Variants in SEMA3B observed in about 807,000 individuals in gnomAD.
SEMA3B encodes semaphorin-3B.
A neutral mutation model predicts 77.8 loss-of-function variants in SEMA3B; 71 were observed. That is an observed-to-expected ratio of 0.91 (90% CI 0.75 to 1.11). SEMA3B has a LOEUF of 1.11. Ranked by LOEUF, SEMA3B falls within the 50% of genes most tolerant of loss-of-function variation. The pLI is 0.00. For synonymous variants in SEMA3B, 470 were observed against 452.9 expected (o/e 1.04, Z -0.48); for missense variants, 968 against 1,056.8 (o/e 0.92, Z 1.17).
In SEMA3B at chr3:50,269,387, G is replaced by A. The variant is rs1553704997; in HGVS notation, c.109+38G>A. The A allele has an allele frequency of 7.8e-7, 1 of 1,280,646 alleles. No individual in the cohort carries two copies. The highest frequency in any genetic ancestry group is 1.1e-6 in the Non-Finnish European group (1 of 946,340). The allele number at this position is 1,280,646 out of a possible 1,614,324, so 79.3% of individuals were successfully genotyped here. On this transcript the variant is annotated intron_variant, in intron 1 of 16. Coordinates refer to ENST00000616701, the MANE Select transcript of SEMA3B (RefSeq NM_001290060.2). The surrounding 1 kb of genome is among the most constrained non-coding windows in gnomAD (Gnocchi z 4.0). ...GGCAGGCGGGAGGGCCCAGCTTGAG[G>A]TGGGCAGGAAAGGGTCCCCGTATGG... is the stretch of plus-strand genomic sequence containing the variant.
rs1553706168 is a variant in SEMA3B at position 50,274,679 on chromosome 3, CCTGGGCTGT to C, written c.1357+98_1357+106del. 1 of 1,437,732 alleles carries C rather than the reference CCTGGGCTGT, an allele frequency of 7.0e-7. No homozygotes were observed. Among genetic ancestry groups the C allele is most frequent in the East Asian group, 2.3e-5 (1 of 43,204 alleles). 89.1% of individuals were successfully genotyped at this position (1,437,732 alleles called of 1,614,324 possible). A position where few individuals can be genotyped will look rare whatever the true frequency, so the allele number is the denominator to read the frequency against. ...GTTCAGTCCCATCTCCACATCCTTT[CCTGGGCTGT>C]GTCTCCACCCTGTGGATGCTGCCCA... On this transcript the variant is annotated intron_variant, in intron 11 of 16. Transcript: ENST00000616701. The surrounding 1 kb of genome is among the most constrained non-coding windows in gnomAD (Gnocchi z 4.7).
Position 50,274,658 on chromosome 3 carries a change from A to G in SEMA3B, c.1357+76A>G. ...CTGCTGATGGAAGCTCTCCCTGTTC[A>G]GTCCCATCTCCACATCCTTTCCTGG... is the stretch of plus-strand genomic sequence containing the variant. On this transcript the variant is annotated intron_variant, in intron 11 of 16. Coordinates refer to ENST00000616701, the MANE Select transcript of SEMA3B (RefSeq NM_001290060.2). The surrounding 1 kb of genome is among the most constrained non-coding windows in gnomAD (Gnocchi z 4.7). 2 of 1,481,266 alleles carry G rather than the reference A, an allele frequency of 1.4e-6. No individual in the cohort carries two copies. Among genetic ancestry groups the G allele is most frequent in the African/African-American group, 1.4e-5 (1 of 71,536 alleles). The allele number at this position is 1,481,266 out of a possible 1,614,324, so 91.8% of individuals were successfully genotyped here. A position where few individuals can be genotyped will look rare whatever the true frequency, so the allele number is the denominator to read the frequency against.
Position 50,276,032 on chromosome 3 carries a change from C to T in SEMA3B, c.1845+188C>T. 3.3e-6 allele frequency: 3 copies of T among 902,900 alleles called. No individual in the cohort carries two copies. Among genetic ancestry groups the T allele is most frequent in the Non-Finnish European group, 4.9e-6 (3 of 617,720 alleles). The allele number at this position is 902,900 out of a possible 1,614,324, so 55.9% of individuals were successfully genotyped here. ...TCCAACGGGGCTCCCGACCCGCCTCCCCTGAATCAAGGAGAAGACCCGCCC... is the reference window on the plus strand; with the variant it reads ...TCCAACGGGGCTCCCGACCCGCCTCTCCTGAATCAAGGAGAAGACCCGCCC... On this transcript the variant is annotated intron_variant, in intron 16 of 16. Coordinates refer to ENST00000616701, the MANE Select transcript of SEMA3B (RefSeq NM_001290060.2). This position sits in a 1 kb window ranked among gnomAD's most constrained non-coding sequence, Gnocchi z 5.8.
chr3:50,273,639 T>C lies in SEMA3B; in HGVS notation c.915T>C (p.Asp305=). The C allele has an allele frequency of 6.2e-7, 1 of 1,611,122 alleles. No homozygotes were observed. Among genetic ancestry groups the C allele is most frequent in the Non-Finnish European group, 8.5e-7 (1 of 1,179,504 alleles). ...GCGTCGAGGGCGACACCCACTTCGA[T>C]CAGCTCCGTGAGTGCGGGAGTGGGT... ...VPGVEGDTHF[D]QLQDVFLLSS... Residue 305 remains aspartate (D), a synonymous_variant, in exon 8 of 17, where the codon GAT becomes GAC. Transcript: ENST00000616701. This position sits in a 1 kb window ranked among gnomAD's most constrained non-coding sequence, Gnocchi z 6.5.
At position 50,273,598 on chromosome 3, in the gene SEMA3B, G is replaced by C; in HGVS notation, c.874G>C (p.Val292Leu). ...KWTTFLKARL[V>L]CSVPGVEGDT... is the part of the protein sequence containing the mutation. ...GACGACGTTCCTGAAGGCGCGGCTG[G>C]TGTGCTCGGTGCCCGGCGTCGAGGG... Residue 292 changes from valine to leucine, a missense_variant, in exon 8 of 17, where the codon GTG becomes CTG. Physicochemically the swap from Val to Leu is conservative, Grantham distance 32. Transcript: ENST00000616701. This position sits in a 1 kb window ranked among gnomAD's most constrained non-coding sequence, Gnocchi z 6.5. 6.2e-7 allele frequency: 1 copy of C among 1,612,982 alleles called. No individual in the cohort carries two copies. The highest frequency in any genetic ancestry group is 8.5e-7 in the Non-Finnish European group (1 of 1,179,728).
Position 50,275,368 on chromosome 3 carries a change from G to C in SEMA3B, c.1558G>C (p.Gly520Arg). ...QIALHRCAAH[G>R]RVCTECCLAR... ...CGCGTTGCACCGCTGCGCTGCCCACGGCCGCGTCTGCACCGAATGCTGTCT... is the reference window on the plus strand; with the variant it reads ...CGCGTTGCACCGCTGCGCTGCCCACCGCCGCGTCTGCACCGAATGCTGTCT... Residue 520 changes from glycine to arginine, a missense_variant, in exon 14 of 17, where the codon GGC becomes CGC. Gly to Arg is a moderately radical substitution (Grantham distance 125). Coordinates refer to ENST00000616701, the MANE Select transcript of SEMA3B (RefSeq NM_001290060.2). This position sits in a 1 kb window ranked among gnomAD's most constrained non-coding sequence, Gnocchi z 7.5. The C allele has an allele frequency of 6.3e-7, 1 of 1,585,310 alleles. No homozygotes were observed. Among genetic ancestry groups the C allele is most frequent in the South Asian group, 1.1e-5 (1 of 87,964 alleles).
chr3:50,265,798 C>T (rs1051560629), upstream of SEMA3B, among the ~76,000 whole-genome samples: 3 of 152,160 alleles, frequency 2.0e-5, no homozygotes, highest in African/African-American at 4.8e-5. Context: ...CATGGGGGCC[C>T]CTACCCATGG....
upstream of SEMA3B, chr3:50,269,128 C>T (rs1054897722): frequency 3.3e-5 from 25 of 761,406 alleles, no homozygotes; most frequent in Non-Finnish European, 4.2e-5. The surrounding 1 kb of genome is among the most constrained non-coding windows in gnomAD (Gnocchi z 4.0). Context: ...CCTAGCCTCC[C>T]GCCCTCGCCC....
Position 50,275,609 on chromosome 3 carries a change from T to A in SEMA3B, c.1699T>A (p.Ser567Thr). The change falls in exon 15 of 17, where the codon TCC becomes ACC. Residue 567 changes from serine (S) to threonine (T), a missense_variant. Physicochemically the swap from Ser to Thr is moderately conservative, Grantham distance 58. Transcript: ENST00000616701. The surrounding 1 kb of genome is among the most constrained non-coding windows in gnomAD (Gnocchi z 7.5). ...VRNGDPSTLC[S>T]GDSSRPALLE... ...GAATGGCGACCCCAGCACGTTGTGCTCCGGAGGTGAGTGCCCCAGCTGCCC... is the reference window on the plus strand; with the variant it reads ...GAATGGCGACCCCAGCACGTTGTGCACCGGAGGTGAGTGCCCCAGCTGCCC... 6.2e-7 allele frequency: 1 copy of A among 1,613,644 alleles called. No homozygotes were observed. The highest frequency in any genetic ancestry group is 1.1e-5 in the South Asian group (1 of 91,088).
upstream of SEMA3B, chr3:50,269,069 C>T: frequency 1.7e-6 from 1 of 599,324 alleles, no homozygotes; most frequent in Non-Finnish European, 2.9e-6. This position sits in a 1 kb window ranked among gnomAD's most constrained non-coding sequence, Gnocchi z 4.0. Flanking sequence ...ATGCGACCCC[C>T]CAGCCTCTTT....
At chr3:50,265,754 C>T (rs587596971), upstream of SEMA3B, among the ~76,000 whole-genome samples, 3 of 152,350 alleles carry the variant, frequency 2.0e-5, no homozygotes, top group East Asian at 3.9e-4. Context: ...GTGTGACCCA[C>T]AGGCAGTGAC....
chr3:50,276,905 C>G lies in SEMA3B; in HGVS notation c.*199C>G. 1 of 594,516 alleles carries G rather than the reference C, an allele frequency of 1.7e-6. No individual in the cohort carries two copies. Among genetic ancestry groups the G allele is most frequent in the Non-Finnish European group, 2.6e-6 (1 of 377,634 alleles). 36.8% of individuals were successfully genotyped at this position (594,516 alleles called of 1,614,324 possible). On this transcript the variant is annotated 3_prime_UTR_variant, in exon 17 of 17. Coordinates refer to ENST00000616701, the MANE Select transcript of SEMA3B (RefSeq NM_001290060.2). The surrounding 1 kb of genome is among the most constrained non-coding windows in gnomAD (Gnocchi z 5.8). ...GGATAACCCTTGAATGTAGCAGCCCCGGGAGGGCGGCACAGGTCGGGCGCA... is the reference window on the plus strand; with the variant it reads ...GGATAACCCTTGAATGTAGCAGCCCGGGGAGGGCGGCACAGGTCGGGCGCA...
rs782098186 is a variant in SEMA3B at position 50,273,668 on chromosome 3, G to T, written c.922+22G>T. 6.2e-6 allele frequency: 10 copies of T among 1,605,692 alleles called. No individual in the cohort carries two copies. The East Asian group carries it at 2.2e-4, about 36-fold the overall frequency. On this transcript the variant is annotated intron_variant, in intron 8 of 16. Coordinates refer to ENST00000616701, the MANE Select transcript of SEMA3B (RefSeq NM_001290060.2). This position sits in a 1 kb window ranked among gnomAD's most constrained non-coding sequence, Gnocchi z 6.5. ...CTCCGTGAGTGCGGGAGTGGGTATG[G>T]GGTTGGGGAGGGGGGCAGCGGCGCA... is the stretch of plus-strand genomic sequence containing the variant.
At chr3:50,262,891 T>G (rs1553704124), upstream of SEMA3B, 1 of 152,306 alleles carries the variant, frequency 6.6e-6, no homozygotes, top group Non-Finnish European at 1.5e-5. Flanking sequence ...GCACACCATC[T>G]CCCGCCTCCC....
chr3:50,270,197 G>A lies in SEMA3B; in HGVS notation c.180G>A (p.Val60=), dbSNP rs587637215. 6.2e-7 allele frequency: 1 copy of A among 1,604,612 alleles called. No individual in the cohort carries two copies. The highest frequency in any genetic ancestry group is 2.2e-5 in the East Asian group (1 of 44,446). ...CCTGCTGCTACCAGGCCTTGCTGGTGGATGAGGAGCGTGGACGCCTGTTTG... is the reference window on the plus strand; with the variant it reads ...CCTGCTGCTACCAGGCCTTGCTGGTAGATGAGGAGCGTGGACGCCTGTTTG... ...ERTCCYQALL[V]DEERGRLFVG... The change falls in exon 2 of 17, where the codon GTG becomes GTA. Residue 60 remains valine, a synonymous_variant. Coordinates refer to ENST00000616701, the MANE Select transcript of SEMA3B (RefSeq NM_001290060.2). The surrounding 1 kb of genome is among the most constrained non-coding windows in gnomAD (Gnocchi z 4.7).
chr3:50,275,940 C>T lies in SEMA3B; in HGVS notation c.1845+96C>T, dbSNP rs2109250474. ...CCCAACGAAGCCCCGTCCAACCAGA[C>T]CCACTCCCCGCCCTGTCCAGTTTGG... On this transcript the variant is annotated intron_variant, in intron 16 of 16. Coordinates refer to ENST00000616701, the MANE Select transcript of SEMA3B (RefSeq NM_001290060.2). The surrounding 1 kb of genome is among the most constrained non-coding windows in gnomAD (Gnocchi z 7.5). 1.4e-6 allele frequency: 2 copies of T among 1,424,164 alleles called. No individual in the cohort carries two copies. The highest frequency in any genetic ancestry group is 1.9e-6 in the Non-Finnish European group (2 of 1,079,166). 88.2% of individuals were successfully genotyped at this position (1,424,164 alleles called of 1,614,324 possible). A position where few individuals can be genotyped will look rare whatever the true frequency, so the allele number is the denominator to read the frequency against.
chr3:50,270,771 C>G lies in SEMA3B; in HGVS notation c.331-119C>G. 1 of 1,470,804 alleles carries G rather than the reference C, an allele frequency of 6.8e-7. No homozygotes were observed. Among genetic ancestry groups the G allele is most frequent in the Non-Finnish European group, 9.2e-7 (1 of 1,091,962 alleles). The allele number at this position is 1,470,804 out of a possible 1,614,324, so 91.1% of individuals were successfully genotyped here. ...CAAGGGCCCCCAGGTCCCTGTAGCCCATGTTAGTACTTGCCTGGGCTGATG... is the reference window on the plus strand; with the variant it reads ...CAAGGGCCCCCAGGTCCCTGTAGCCGATGTTAGTACTTGCCTGGGCTGATG... On this transcript the variant is annotated intron_variant, in intron 3 of 16. Transcript: ENST00000616701. This position sits in a 1 kb window ranked among gnomAD's most constrained non-coding sequence, Gnocchi z 4.7.
Position 50,275,225 on chromosome 3 carries a change from G to GA in SEMA3B, c.1492-75dup. 1 of 1,466,578 alleles carries GA rather than the reference G, an allele frequency of 6.8e-7. No homozygotes were observed. Among genetic ancestry groups the GA allele is most frequent in the Non-Finnish European group, 9.1e-7 (1 of 1,104,180 alleles). 90.8% of individuals were successfully genotyped at this position (1,466,578 alleles called of 1,614,324 possible). ...CCTCAGTGTTCCCATCTGTCGAGTG[G>GA]AAGAAGGGATCCCTGACCGATGGGA... is the stretch of plus-strand genomic sequence containing the variant. On this transcript the variant is annotated intron_variant, in intron 13 of 16. Transcript: ENST00000616701. This position sits in a 1 kb window ranked among gnomAD's most constrained non-coding sequence, Gnocchi z 7.5.
chr3:50,270,411 C>G lies in SEMA3B; in HGVS notation c.268-22C>G. On this transcript the variant is annotated intron_variant, in intron 2 of 16. Coordinates refer to ENST00000616701, the MANE Select transcript of SEMA3B (RefSeq NM_001290060.2). The surrounding 1 kb of genome is among the most constrained non-coding windows in gnomAD (Gnocchi z 4.7). Reference sequence around the variant, plus strand: ...ATCCCAAGTTCCTGACCTGTGTCCCCTCTCCCCCAACCTCCCGATAGCTGG... The same window carrying G: ...ATCCCAAGTTCCTGACCTGTGTCCCGTCTCCCCCAACCTCCCGATAGCTGG... The G allele has an allele frequency of 6.2e-7, 1 of 1,613,746 alleles. No individual in the cohort carries two copies. The highest frequency in any genetic ancestry group is 8.5e-7 in the Non-Finnish European group (1 of 1,179,798).
Sources: allele counts gnomAD v4.1 joint callset (sites outside exome capture counted in the v4.1 genomes callset), GRCh38; gene constraint gnomAD v4.1.1; non-coding constraint Gnocchi (gnomAD v3.1); transcripts MANE v1.5; gene names NCBI Gene and HGNC (gene_info 2026-07-23, HGNC 2026-07-21).